DKK4: variants seen among roughly 807,000 people sequenced by gnomAD.
The protein encoded by DKK4 is dickkopf-related protein 4.
A neutral mutation model predicts 14.5 loss-of-function variants in DKK4; 15 were observed. The ratio of observed to expected loss-of-function variants is 1.03; its 90% confidence interval spans 0.69 to 1.59. DKK4 has a LOEUF of 1.59. DKK4 is among the 40% of genes most tolerant of loss of function. The pLI is 0.00. For synonymous variants in DKK4, 89 were observed against 105.2 expected (o/e 0.85, Z 0.94); for missense variants, 272 against 280.3 (o/e 0.97, Z 0.21).
the DKK4 span, among the ~76,000 whole-genome samples, chr8:42,386,401 A>G: frequency 2.6e-5 from 4 of 152,158 alleles, no homozygotes; most frequent in Non-Finnish European, 5.9e-5. Flanking sequence ...AAATATTATC[A>G]GAACCCATGG....
upstream of DKK4, among the ~76,000 whole-genome samples, chr8:42,379,418 GA>G (rs1824630453): frequency 2.0e-4 from 25 of 125,352 alleles, no homozygotes; most frequent in African/African-American, 7.8e-4. Context: ...GAGAGAGAGA[GA>G]GAGAGAGAAA....
chr8:42,379,351 CTATATA>C (rs71548581), upstream of DKK4, among the ~76,000 whole-genome samples: 45 of 8,772 alleles, frequency 5.1e-3, 1 homozygote, highest in Admixed American at 0.01. Context: ...GAGATTAAGC[CTATATA>C]TATATATATA....
chr8:42,385,255 GGTGGTTCACACCT>G, the DKK4 span, among the ~76,000 whole-genome samples: 2 of 151,946 alleles, frequency 1.3e-5, no homozygotes, highest in African/African-American at 4.8e-5. Context: ...AGCCTGGTGT[GGTGGTTCACACCT>G]GTAGTCCCAG....
rs774799806 is a variant in DKK4, at chr8:42,374,277, A to G, written c.498T>C (p.Cys166=). The G allele has an allele frequency of 3.1e-6, 5 of 1,611,948 alleles. No homozygotes were observed. The Admixed American group carries it at 5.0e-5, about 16-fold the overall frequency. ...CCTGTCCCTCCAAAAGGACTGGCTT[A>G]CAAATTTTCGTCCAAAAATGACGAG... is the stretch of plus-strand genomic sequence containing the variant. The part of the protein sequence containing the change: ...CCARHFWTKI[C]KPVLLEGQVC... The change falls in exon 4 of 4, where the codon TGT becomes TGC. Residue 166 remains cysteine, a synonymous_variant. Transcript: ENST00000220812.
upstream of DKK4, among the ~76,000 whole-genome samples, chr8:42,378,995 A>C (rs1373767166): frequency 6.6e-6 from 1 of 150,762 alleles, no homozygotes. Flanking sequence ...TGACGCCTGT[A>C]ATCTCACCAC....
At chr8:42,375,106 G>A (rs79255961) in intron 2 of DKK4, among the ~76,000 whole-genome samples, 193 bp from the exon 3 acceptor site, 3,162 of 152,276 alleles carry the variant, frequency 0.021, 117 homozygotes, top group African/African-American at 0.072. Context: ...AGTGGAAATT[G>A]CATTCCATTA....
the DKK4 span, among the ~76,000 whole-genome samples, chr8:42,390,552 G>A: frequency 1.3e-5 from 2 of 150,526 alleles, no homozygotes; most frequent in Non-Finnish European, 3.0e-5. Flanking sequence ...TTTAGTAGAG[G>A]CGGGGTTTCA....
upstream of DKK4, among the ~76,000 whole-genome samples, chr8:42,381,325 C>T (rs183182336): frequency 5.4e-4 from 82 of 152,142 alleles, no homozygotes; most frequent in Admixed American, 1.4e-3. Flanking sequence ...TAAGAGGGTG[C>T]CTTGAGAAAA....
At chr8:42,374,718 A>G (rs771055077) in intron 3 of DKK4, 43 bp downstream of exon 3, 5 of 1,612,366 alleles carry the variant, frequency 3.1e-6, no homozygotes, top group Non-Finnish European at 4.2e-6. Flanking sequence ...GGGAGGAGAA[A>G]ATGCATTTCT....
Position 42,375,707 on chromosome 8 carries a change from A to C in DKK4, c.235T>G (p.Cys79Gly), listed in dbSNP as rs1824545238. 6.2e-7 allele frequency: 1 copy of C among 1,613,744 alleles called. No individual in the cohort carries two copies. Among genetic ancestry groups the C allele is most frequent in the Non-Finnish European group, 8.5e-7 (1 of 1,180,010 alleles). The change falls in exon 2 of 4, where the codon TGC becomes GGC. Residue 79 changes from cysteine to glycine, a missense_variant. Physicochemically the swap from Cys to Gly is radical, Grantham distance 159. Coordinates refer to ENST00000220812, the MANE Select transcript of DKK4 (RefSeq NM_014420.3). ...TTCACACAGAGTGTCCCAGGGCAGC[A>C]CATGGCATCTCGCTGGCACCTCCTC... Reference protein sequence around the residue: ...LRRRCQRDAMCCPGTLCVNDV... With the variant: ...LRRRCQRDAMGCPGTLCVNDV...
rs1162528433 is a variant in DKK4 at position 42,377,214 on chromosome 8, C to T, written c.-169G>A. ...TTAGTCTGAGTAAGGTGCGTGAAAT[C>T]GGCTGAGCAAAGTCTGACCAGCAGG... On this transcript the variant is annotated 5_prime_UTR_variant, in exon 1 of 4. Transcript: ENST00000220812. 5.1e-6 allele frequency: 3 copies of T among 587,224 alleles called. No homozygotes were observed. The highest frequency in any genetic ancestry group is 2.8e-5 in the East Asian group (1 of 35,382). The allele number at this position is 587,224 out of a possible 1,614,324, so 36.4% of individuals were successfully genotyped here.
chr8:42,388,965 T>C, the DKK4 span, among the ~76,000 whole-genome samples: 2 of 152,274 alleles, frequency 1.3e-5, no homozygotes, highest in Admixed American at 1.3e-4. Context: ...TTTTTGGAGA[T>C]GGTGTCTCCC....
At chr8:42,383,768 C>A in the DKK4 span, among the ~76,000 whole-genome samples, 1 of 152,212 alleles carries the variant, frequency 6.6e-6, no homozygotes, top group Non-Finnish European at 1.5e-5. Flanking sequence ...CATGGCGAAA[C>A]CCCGTCTCTA....
upstream of DKK4, among the ~76,000 whole-genome samples, chr8:42,382,116 T>C (rs574839911): frequency 1.3e-5 from 2 of 152,350 alleles, no homozygotes; most frequent in Non-Finnish European, 2.9e-5. Flanking sequence ...TCAATGGACA[T>C]GTGTTCGATA....
At chr8:42,388,386 T>C in the DKK4 span, among the ~76,000 whole-genome samples, 3 of 151,134 alleles carry the variant, frequency 2.0e-5, no homozygotes, top group East Asian at 2.0e-4. Context: ...TGTGCCACCA[T>C]GCTCGGCTAA....
intron 1 of DKK4, among the ~76,000 whole-genome samples, chr8:42,376,386 T>C (rs1032526584): frequency 5.9e-5 from 9 of 152,226 alleles, no homozygotes; most frequent in African/African-American, 2.2e-4. Flanking sequence ...AGGTGTAGCA[T>C]ATATGATATA....
At chr8:42,383,160 C>T in the DKK4 span, among the ~76,000 whole-genome samples, 9 of 152,114 alleles carry the variant, frequency 5.9e-5, no homozygotes, top group Non-Finnish European at 8.8e-5. Flanking sequence ...GCAGACAAAC[C>T]GCAGGATGTG....
chr8:42,390,478 C>T, the DKK4 span, among the ~76,000 whole-genome samples: 2,770 of 149,746 alleles, frequency 0.018, 41 homozygotes, highest in Middle Eastern at 0.031. Flanking sequence ...ATTCTCCTGC[C>T]TCAGCCTCCC....
rs1456398427 is a variant in DKK4, at chr8:42,374,348, C to T, written c.427G>A (p.Glu143Lys). Residue 143 changes from glutamate (E) to lysine (K), a missense_variant, in exon 4 of 4, where the codon GAA becomes AAA. Physicochemically the swap from Glu to Lys is moderately conservative, Grantham distance 56. Transcript: ENST00000220812. ...CAGTCAAAAGTTCTCAGACAACTTT[C>T]TCCCTCTTGTCCTGTAACAAGGTTA... The part of the protein sequence containing the change: ...KSQGRKGQEG[E>K]SCLRTFDCGP... 3 of 1,613,578 alleles carry T rather than the reference C, an allele frequency of 1.9e-6. No individual in the cohort carries two copies. In the South Asian group the frequency reaches 3.3e-5, roughly 18 times the overall value.
Sources: allele counts gnomAD v4.1 joint callset (sites outside exome capture counted in the v4.1 genomes callset), GRCh38; gene constraint gnomAD v4.1.1; transcripts MANE v1.5; gene names NCBI Gene and HGNC (gene_info 2026-07-23, HGNC 2026-07-21).